Variants in SIPA1L3 observed in about 807,000 individuals in gnomAD.
The protein encoded by SIPA1L3 is signal induced proliferation associated 1 like 3.
A neutral mutation model predicts 150.1 loss-of-function variants in SIPA1L3; 59 were observed. The ratio of observed to expected loss-of-function variants is 0.39; its 90% CI spans 0.32 to 0.49. The LOEUF is 0.49. Among genes scored for constraint, SIPA1L3 ranks in the 20% least tolerant of loss-of-function variants. SIPA1L3 has a pLI of 0.86. For missense variants in SIPA1L3, 2,211 were observed against 2,489.5 expected, an observed-to-expected ratio of 0.89 and a Z score of 2.38; for synonymous variants, 1,070 against 1,077.6, an observed-to-expected ratio of 0.99 and a Z score of 0.14.
chr19:38,017,546 A>G (rs1049852053), intron 1 of SIPA1L3, among the ~76,000 whole-genome samples: 3 of 145,560 alleles, frequency 2.1e-5, no homozygotes, highest in African/African-American at 7.7e-5. Context: ...TTCTTTTGAG[A>G]CAGAGTCTTG....
intron 1 of SIPA1L3, among the ~76,000 whole-genome samples, chr19:37,943,980 C>T (rs2046685966): frequency 6.6e-6 from 1 of 152,076 alleles, no homozygotes; most frequent in African/African-American, 2.4e-5. Flanking sequence ...GTTCCAACAG[C>T]AGAGCAGTAT....
intron 4 of SIPA1L3, among the ~76,000 whole-genome samples, chr19:38,095,853 GGAA>G (rs1371232790): frequency 2.0e-5 from 3 of 152,204 alleles, no homozygotes; most frequent in African/African-American, 4.8e-5. Context: ...GGAGGAAGAA[GGAA>G]GATTTCTGGT....
intron 10 of SIPA1L3, among the ~76,000 whole-genome samples, chr19:38,136,679 G>A (rs1971444417): frequency 6.6e-6 from 1 of 152,208 alleles, no homozygotes; most frequent in South Asian, 2.1e-4. Context: ...ATCACAGGCA[G>A]CTCAGTCAAA....
intron 1 of SIPA1L3, among the ~76,000 whole-genome samples, chr19:37,927,559 T>C (rs2046515226): frequency 6.9e-6 from 1 of 145,588 alleles, no homozygotes; most frequent in Admixed American, 6.9e-5. Context: ...TGTGTGTGTG[T>C]GTACGTACCC....
chr19:38,160,663 A>G (rs61252194), intron 13 of SIPA1L3, among the ~76,000 whole-genome samples: 9,928 of 151,846 alleles, frequency 0.065, 1,083 homozygotes, highest in African/African-American at 0.22. Context: ...CGGCCTCCCA[A>G]AGTGCTGGGA....
chr19:38,065,578 A>G (rs1382851827), intron 2 of SIPA1L3, among the ~76,000 whole-genome samples: 4 of 148,916 alleles, frequency 2.7e-5, no homozygotes, highest in African/African-American at 7.4e-5. Context: ...CACCACACCT[A>G]GCTAATTTTT....
intron 1 of SIPA1L3, among the ~76,000 whole-genome samples, chr19:37,972,880 G>A (rs1033695501): frequency 6.6e-6 from 1 of 152,042 alleles, no homozygotes; most frequent in Non-Finnish European, 1.5e-5. Flanking sequence ...CCCCAAATTA[G>A]TGGAGCTCCT....
chr19:37,978,510 AAC>A (rs1283254315), intron 1 of SIPA1L3, among the ~76,000 whole-genome samples: 1 of 152,210 alleles, frequency 6.6e-6, no homozygotes, highest in Non-Finnish European at 1.5e-5. Context: ...GAGGGAAAAT[AAC>A]TTGCCTGTTG....
intron 2 of SIPA1L3, among the ~76,000 whole-genome samples, chr19:38,036,295 G>T (rs1968784372): frequency 6.6e-6 from 1 of 152,264 alleles, no homozygotes; most frequent in South Asian, 2.1e-4. Context: ...AATTAGCCCA[G>T]ACCTTTCATG....
intron 1 of SIPA1L3, among the ~76,000 whole-genome samples, chr19:38,000,674 C>CT (rs35100127): frequency 0.98 from 130,239 of 132,650 alleles, 63,963 homozygotes; most frequent in Middle Eastern, 1. Context: ...GGGCAAAAGA[C>CT]TTTTTTTTTT....
chr19:38,060,939 G>A (rs964540499), intron 2 of SIPA1L3, among the ~76,000 whole-genome samples: 4 of 152,282 alleles, frequency 2.6e-5, no homozygotes, highest in Admixed American at 6.5e-5. Flanking sequence ...TGATCTGCCC[G>A]CCTCAGCCTC....
At chr19:38,090,666 G>A (rs190055801) in intron 4 of SIPA1L3, among the ~76,000 whole-genome samples, 4 of 152,246 alleles carry the variant, frequency 2.6e-5, no homozygotes, top group Non-Finnish European at 5.9e-5. Context: ...CCTCCAAAAT[G>A]GGTCTCCCTC....
At chr19:38,105,903 A>T (rs776858249) in intron 6 of SIPA1L3, among the ~76,000 whole-genome samples, 11 of 152,186 alleles carry the variant, frequency 7.2e-5, no homozygotes, top group Non-Finnish European at 7.3e-5. Context: ...GTGCCAGGTT[A>T]TCAATTAAGC....
intron 2 of SIPA1L3, among the ~76,000 whole-genome samples, chr19:38,048,240 G>C (rs913194107): frequency 6.6e-6 from 1 of 152,168 alleles, no homozygotes; most frequent in Non-Finnish European, 1.5e-5. Flanking sequence ...CTGGCCAATG[G>C]TTAAGACATG....
chr19:38,041,521 C>T (rs1249660375), intron 2 of SIPA1L3, among the ~76,000 whole-genome samples: 1 of 152,150 alleles, frequency 6.6e-6, no homozygotes, highest in African/African-American at 2.4e-5. Context: ...TCGTGATCCG[C>T]CTGCCTCAGC....
chr19:37,990,628 C>T (rs1159338119), intron 1 of SIPA1L3, among the ~76,000 whole-genome samples: 3 of 152,238 alleles, frequency 2.0e-5, no homozygotes, highest in Non-Finnish European at 2.9e-5. Context: ...TCTGGGCTAA[C>T]GTGTCCTCTG....
intron 13 of SIPA1L3, among the ~76,000 whole-genome samples, chr19:38,161,460 C>T (rs896601584): frequency 1.4e-4 from 21 of 151,640 alleles, no homozygotes; most frequent in Non-Finnish European, 2.8e-4. Context: ...TGCGGTAGCT[C>T]ACACCTGTAA....
At chr19:38,102,592 G>GAA (rs71179412) in intron 6 of SIPA1L3, among the ~76,000 whole-genome samples, 1,756 of 66,782 alleles carry the variant, frequency 0.026, 57 homozygotes, top group African/African-American at 0.084. Context: ...CCCTGTCTCT[G>GAA]AAAAAAAAAA....
Position 38,080,372 on chromosome 19 carries a change from G to A in SIPA1L3, c.-310-884G>A, listed in dbSNP as rs563767115. Among the ~76,000 whole-genome samples, 6 of 152,286 alleles carry A rather than the reference G, an allele frequency of 3.9e-5. No individual in the cohort carries two copies. In the South Asian group the frequency reaches 1.2e-3, roughly 32 times the overall value. On this transcript the variant is annotated intron_variant, in intron 2 of 21. Transcript: ENST00000222345. ...GGCACCTCAGGGATCCTGAAAGTGG[G>A]GAAATCCACAGGACAGGTGACCCCT...
Sources: allele counts gnomAD v4.1 joint callset (sites outside exome capture counted in the v4.1 genomes callset), GRCh38; gene constraint gnomAD v4.1.1; transcripts MANE v1.5; gene names NCBI Gene and HGNC (gene_info 2026-07-23, HGNC 2026-07-21).